The following MAN1C1 variants were observed in gnomAD, a reference collection of about 807,000 sequenced individuals.
MAN1C1 encodes the protein mannosyl-oligosaccharide 1,2-alpha-mannosidase IC.
MAN1C1 carries 49 observed loss-of-function variants against 71.5 expected under a neutral mutation model. The ratio of observed to expected loss-of-function variants is 0.69; its 90% CI spans 0.54 to 0.87. The LOEUF (loss-of-function observed/expected upper bound fraction) is 0.87, where lower values mean the gene tolerates loss of function less well. Among genes scored for constraint, MAN1C1 ranks in the 40% least tolerant of loss-of-function variants. The probability of loss-of-function intolerance (pLI) is 0.00; values close to 1 mark genes in which losing one functional copy is unlikely to be tolerated. For synonymous variants in MAN1C1, 352 were observed against 343.7 expected (o/e 1.02, Z -0.27); for missense variants, 743 against 835.0 (o/e 0.89, Z 1.36).
rs770540764 is a variant in MAN1C1 at position 25,778,305 on chromosome 1, C to T, written c.1458C>T (p.His486=). The T allele has an allele frequency of 5.0e-6, 8 of 1,612,416 alleles. No homozygotes were observed. Among genetic ancestry groups the T allele is most frequent in the East Asian group, 4.5e-5 (2 of 44,806 alleles). ...CAGCCCAGATCACCAAGACGTGTCA[C>T]GAGTCATACGCCCGCTCAGGTAACC... The part of the protein sequence containing the change: ...ELAAQITKTC[H]ESYARSDTKL... Residue 486 remains histidine, a synonymous_variant, in exon 9 of 12, where the codon CAC becomes CAT. Coordinates refer to ENST00000374332, the MANE Select transcript of MAN1C1 (RefSeq NM_020379.4). The surrounding 1 kb of genome is among the most constrained non-coding windows in gnomAD (Gnocchi z 5.5).
At chr1:25,625,193 T>C (rs1572101845) in intron 1 of MAN1C1, among the ~76,000 whole-genome samples, 1 of 151,870 alleles carries the variant, frequency 6.6e-6, no homozygotes, top group Non-Finnish European at 1.5e-5. Context: ...TTAGTAGAGA[T>C]GGGGTTTTGC....
chr1:25,656,826 G>A (rs1348815061), intron 1 of MAN1C1, among the ~76,000 whole-genome samples: 7 of 145,794 alleles, frequency 4.8e-5, no homozygotes, highest in South Asian at 2.2e-4. Flanking sequence ...CCAACCTTGC[G>A]TCTTTTTTTT....
At chr1:25,693,199 G>A (rs972660222) in intron 2 of MAN1C1, among the ~76,000 whole-genome samples, 1 of 152,282 alleles carries the variant, frequency 6.6e-6, no homozygotes, top group South Asian at 2.1e-4. Flanking sequence ...AATAAAGGAA[G>A]AGAAAATATA....
chr1:25,638,088 A>T (rs934951035), intron 1 of MAN1C1, among the ~76,000 whole-genome samples: 2 of 151,884 alleles, frequency 1.3e-5, no homozygotes, highest in Non-Finnish European at 2.9e-5. Context: ...ATTTTTTATT[A>T]GTCTCATATC....
At chr1:25,625,613 C>G (rs1163361943) in intron 1 of MAN1C1, among the ~76,000 whole-genome samples, 3 of 152,088 alleles carry the variant, frequency 2.0e-5, no homozygotes, top group African/African-American at 7.2e-5. Context: ...GATAGAAGTT[C>G]AAGACCAGCT....
At chr1:25,766,202 A>G (rs1425899638) in intron 7 of MAN1C1, among the ~76,000 whole-genome samples, 1 of 152,104 alleles carries the variant, frequency 6.6e-6, no homozygotes, top group Non-Finnish European at 1.5e-5. Flanking sequence ...GCATATGGGA[A>G]ATTGTTTCCT....
intron 1 of MAN1C1, among the ~76,000 whole-genome samples, chr1:25,661,889 C>A (rs1185188246): frequency 6.6e-6 from 1 of 152,226 alleles, no homozygotes; most frequent in Non-Finnish European, 1.5e-5. Flanking sequence ...TACCCCACAT[C>A]AGGTGCTATA....
chr1:25,766,326 G>A (rs1013408432), intron 7 of MAN1C1, among the ~76,000 whole-genome samples: 1 of 151,990 alleles, frequency 6.6e-6, no homozygotes, highest in Non-Finnish European at 1.5e-5. Context: ...GGTCATCTCA[G>A]GTTTCCTGTG....
In MAN1C1 at chr1:25,617,791, G is replaced by A. The variant is rs2045126745; in HGVS notation, c.-7G>A. On this transcript the variant is annotated 5_prime_UTR_variant, in exon 1 of 12. Transcript: ENST00000374332. The surrounding 1 kb of genome is among the most constrained non-coding windows in gnomAD (Gnocchi z 5.1). ...CGAGGGCTTCTGGAGCCACCGGCCG[G>A]GCCACGATGCTCATGAGGAAAGTGC... is the stretch of plus-strand genomic sequence containing the variant. The A allele has an allele frequency of 6.3e-7, 1 of 1,585,308 alleles. No individual in the cohort carries two copies. The highest frequency in any genetic ancestry group is 8.6e-7 in the Non-Finnish European group (1 of 1,169,284).
intron 2 of MAN1C1, among the ~76,000 whole-genome samples, chr1:25,731,936 T>C (rs2046914957): frequency 6.6e-6 from 1 of 152,180 alleles, no homozygotes; most frequent in Non-Finnish European, 1.5e-5. Context: ...CACACTAGGC[T>C]CTTTGGTGGC....
chr1:25,749,545 T>C (rs559493284), intron 4 of MAN1C1, among the ~76,000 whole-genome samples: 1 of 152,302 alleles, frequency 6.6e-6, no homozygotes, highest in South Asian at 2.1e-4. Flanking sequence ...ATCATGGGCA[T>C]GTTGCTCCCA....
intron 1 of MAN1C1, 33 bp from the exon 2 acceptor site, chr1:25,686,407 C>G (rs1197481105): frequency 1.3e-6 from 2 of 1,592,364 alleles, no homozygotes; most frequent in Non-Finnish European, 8.6e-7. Flanking sequence ...AATCGTCACA[C>G]TGAGGTTCTC....
At chr1:25,729,903 A>G (rs1011798035) in intron 2 of MAN1C1, among the ~76,000 whole-genome samples, 5 of 152,266 alleles carry the variant, frequency 3.3e-5, no homozygotes, top group Admixed American at 3.3e-4. Flanking sequence ...TTCCAAACCC[A>G]GGTCCCCGTG....
Position 25,753,735 on chromosome 1 carries a change from A to G in MAN1C1, c.929+157A>G, listed in dbSNP as rs1402394644. 6.6e-6 allele frequency among the ~76,000 whole-genome samples: 1 copy of G among 152,108 alleles called. No individual in the cohort carries two copies. The highest frequency in any genetic ancestry group is 1.5e-5 in the Non-Finnish European group (1 of 68,002). On this transcript the variant is annotated intron_variant, in intron 5 of 11. Coordinates refer to ENST00000374332, the MANE Select transcript of MAN1C1 (RefSeq NM_020379.4). The surrounding 1 kb of genome is among the most constrained non-coding windows in gnomAD (Gnocchi z 4.9). ...CCACCTCTGTTGAACCCGTTCTTTT[A>G]TGATGTAGAAACTGAGGCACAGGGA...
At chr1:25,688,786 G>A (rs1572151059) in intron 2 of MAN1C1, among the ~76,000 whole-genome samples, 2 of 152,218 alleles carry the variant, frequency 1.3e-5, no homozygotes, top group Admixed American at 1.3e-4. Context: ...ATATAAATGA[G>A]TATGTACGAA....
At chr1:25,740,486 A>G (rs1189436407) in intron 2 of MAN1C1, among the ~76,000 whole-genome samples, 1 of 151,996 alleles carries the variant, frequency 6.6e-6, no homozygotes, top group Non-Finnish European at 1.5e-5. Flanking sequence ...ACCCAGGTTG[A>G]AGTGCAGTGG....
chr1:25,630,901 C>T (rs1185680153), intron 1 of MAN1C1, among the ~76,000 whole-genome samples: 3 of 152,120 alleles, frequency 2.0e-5, no homozygotes, highest in Non-Finnish European at 2.9e-5. Context: ...GTCCTTTATT[C>T]CTTTCTCTTG....
intron 1 of MAN1C1, among the ~76,000 whole-genome samples, chr1:25,657,006 T>A (rs1196780624): frequency 3.3e-5 from 5 of 152,160 alleles, no homozygotes; most frequent in African/African-American, 4.8e-5. Context: ...TTTGTATTTT[T>A]CGTAGAGACG....
chr1:25,762,128 T>A, intron 6 of MAN1C1, among the ~76,000 whole-genome samples: 1 of 75,860 alleles, frequency 1.3e-5, no homozygotes, highest in African/African-American at 8.9e-5. Context: ...TTTTCTTTTC[T>A]TTTTTTTTTT....
Sources: allele counts gnomAD v4.1 joint callset (sites outside exome capture counted in the v4.1 genomes callset), GRCh38; gene constraint gnomAD v4.1.1; non-coding constraint Gnocchi (gnomAD v3.1); transcripts MANE v1.5; gene names NCBI Gene and HGNC (gene_info 2026-07-23, HGNC 2026-07-21).